TMEM266: variants seen among roughly 807,000 people sequenced by gnomAD.
TMEM266 encodes transmembrane protein 266, also known as Hv1 related protein 1.
In TMEM266, 33 loss-of-function variants were observed where a neutral mutation model predicts 50.5. The ratio of observed to expected loss-of-function variants is 0.65; its 90% CI spans 0.50 to 0.87. TMEM266 has a LOEUF of 0.87. Among genes scored for constraint, TMEM266 ranks in the 40% least tolerant of loss-of-function variants. The pLI is 0.00. For missense variants in TMEM266, 655 were observed against 695.1 expected (o/e 0.94, Z 0.65); for synonymous variants, 310 against 292.3 (o/e 1.06, Z -0.62).
chr15:76,111,983 T>C (rs772132259), intron 1 of TMEM266: 6 of 152,230 alleles, frequency 3.9e-5, no homozygotes, highest in Admixed American at 6.5e-5. Context: ...TGAAGTGATA[T>C]AGAGAAACCT....
At chr15:76,061,952 GTCTC>G (rs1156649738) in intron 1 of TMEM266, among the ~76,000 whole-genome samples, 2 of 152,192 alleles carry the variant, frequency 1.3e-5, no homozygotes, top group African/African-American at 4.8e-5. Flanking sequence ...TCGTAATCCA[GTCTC>G]TCTATGATTG....
Position 76,116,536 on chromosome 15 carries a change from C to T in TMEM266, c.-96-17632C>T, listed in dbSNP as rs193076297. On this transcript the variant is annotated intron_variant, in intron 1 of 10. Coordinates refer to ENST00000388942, the MANE Select transcript of TMEM266 (RefSeq NM_152335.3). The stretch of plus-strand genomic sequence containing the variant: ...CCTCTCCTCACTAATGAATCTCTAG[C>T]GTTCTCTCCTGCACCCATCCGGAGT... 7.6e-4 allele frequency among the ~76,000 whole-genome samples: 116 copies of T among 152,150 alleles called. 1 individual carries two copies. The highest frequency in any genetic ancestry group is 2.7e-3 in the African/African-American group (112 of 41,514).
At chr15:76,088,462 G>A (rs957401694) in intron 1 of TMEM266, among the ~76,000 whole-genome samples, 3 of 152,084 alleles carry the variant, frequency 2.0e-5, no homozygotes, top group African/African-American at 7.2e-5. Flanking sequence ...AGACCAACCT[G>A]GGCAACAGAG....
rs774403438 is a variant in TMEM266 at position 76,139,099 on chromosome 15, G to A, written c.227+1204G>A. 6.6e-6 allele frequency among the ~76,000 whole-genome samples: 1 copy of A among 152,240 alleles called. No homozygotes were observed. The highest frequency in any genetic ancestry group is 6.5e-5 in the Admixed American group (1 of 15,292). On this transcript the variant is annotated intron_variant, in intron 3 of 10. Coordinates refer to ENST00000388942, the MANE Select transcript of TMEM266 (RefSeq NM_152335.3). This position sits in a 1 kb window ranked among gnomAD's most constrained non-coding sequence, Gnocchi z 4.1. The stretch of plus-strand genomic sequence containing the variant: ...CCAGTAAACACTTTGGAACATGCTG[G>A]CTGCTTTGAATATAAAAATGAAGGG...
intron 3 of TMEM266, among the ~76,000 whole-genome samples, chr15:76,156,241 C>A (rs541062987): frequency 6.2e-4 from 94 of 152,238 alleles, no homozygotes; most frequent in Non-Finnish European, 1.1e-3. Flanking sequence ...ACACCTGTAG[C>A]CCCAGCTATT....
intron 1 of TMEM266, among the ~76,000 whole-genome samples, chr15:76,133,120 C>A (rs2037537336): frequency 6.7e-6 from 1 of 148,534 alleles, no homozygotes; most frequent in African/African-American, 2.5e-5. Flanking sequence ...CAGAGTGAGA[C>A]CCTGTCTAAA....
intron 7 of TMEM266, among the ~76,000 whole-genome samples, chr15:76,173,207 C>G (rs1192244348): frequency 6.6e-6 from 1 of 152,138 alleles, no homozygotes; most frequent in Non-Finnish European, 1.5e-5. Context: ...GTCCCAATGT[C>G]TCTTCTCTGC....
chr15:76,183,919 G>C (rs1194672609), intron 8 of TMEM266, among the ~76,000 whole-genome samples: 2 of 152,198 alleles, frequency 1.3e-5, no homozygotes, highest in Non-Finnish European at 2.9e-5. Flanking sequence ...CGTGGGAGGT[G>C]GTGGGTGGTC....
rs146640128 is a variant in TMEM266 at position 76,064,445 on chromosome 15, A to G, written c.-97+4429A>G. Among the ~76,000 whole-genome samples, 114 of 152,228 alleles carry G rather than the reference A, an allele frequency of 7.5e-4. No individual in the cohort carries two copies. In the East Asian group the frequency reaches 0.017, roughly 22 times the overall value. On this transcript the variant is annotated intron_variant, in intron 1 of 10. Transcript: ENST00000388942. The stretch of plus-strand genomic sequence containing the variant: ...GTAGTTCTTGGGCCGTAGCAAAATC[A>G]TAGGCACTTTGAGGACTGATTCATC...
chr15:76,113,046 T>A (rs1174923583), intron 1 of TMEM266: 1 of 152,346 alleles, frequency 6.6e-6, no homozygotes, highest in Non-Finnish European at 1.5e-5. Flanking sequence ...CCAGGCGCGG[T>A]GGCTCACGCC....
intron 4 of TMEM266, among the ~76,000 whole-genome samples, chr15:76,159,497 T>A (rs2037981496): frequency 1.3e-5 from 2 of 152,022 alleles, no homozygotes; most frequent in Non-Finnish European, 2.9e-5. Flanking sequence ...GCTCTGCCAA[T>A]CTAGGGAGGG....
At chr15:76,187,847 C>T (rs145596530) in intron 8 of TMEM266, among the ~76,000 whole-genome samples, 1 of 152,206 alleles carries the variant, frequency 6.6e-6, no homozygotes, top group African/African-American at 2.4e-5. Flanking sequence ...AACAGGCTAA[C>T]TGGTTTCCTG....
At position 76,204,106 on chromosome 15, in the gene TMEM266, C is replaced by T. The variant is rs375411507; in HGVS notation, c.1387C>T (p.Leu463Phe). The T allele has an allele frequency of 1.3e-5, 21 of 1,612,896 alleles. No individual in the cohort carries two copies. Among genetic ancestry groups the T allele is most frequent in the Non-Finnish European group, 1.5e-5 (18 of 1,179,650 alleles). ...CCAGAAGGCCTTGGACCCAGCCCCCCTCGCCCGGCCCAGCCCAGCGGGCTC... is the reference window on the plus strand; with the variant it reads ...CCAGAAGGCCTTGGACCCAGCCCCCTTCGCCCGGCCCAGCCCAGCGGGCTC... Residue 463 changes from leucine to phenylalanine, a missense_variant, in exon 11 of 11, where the codon CTC becomes TTC. By Grantham distance (22) the Leu-to-Phe change is conservative (BLOSUM62 0). Coordinates refer to ENST00000388942, the MANE Select transcript of TMEM266 (RefSeq NM_152335.3).
intron 1 of TMEM266, among the ~76,000 whole-genome samples, chr15:76,081,635 G>T (rs1454595307): frequency 2.6e-5 from 4 of 152,214 alleles, no homozygotes; most frequent in Non-Finnish European, 1.5e-5. Flanking sequence ...GTAGACAGTG[G>T]CAAGGTTCTT....
At chr15:76,203,487 T>C (rs2038783064) in intron 10 of TMEM266, among the ~76,000 whole-genome samples, 1 of 152,222 alleles carries the variant, frequency 6.6e-6, no homozygotes, top group Non-Finnish European at 1.5e-5. Flanking sequence ...AGGTCACTTC[T>C]CATGGGTAAC....
intron 1 of TMEM266, among the ~76,000 whole-genome samples, chr15:76,122,014 A>C (rs1050666797): frequency 1.3e-5 from 2 of 152,266 alleles, no homozygotes; most frequent in African/African-American, 4.8e-5. Flanking sequence ...ATTGAGAAAC[A>C]AACCAAAAAG....
At chr15:76,191,663 C>A in intron 8 of TMEM266, 1 of 322,380 alleles carries the variant, frequency 3.1e-6, no homozygotes, top group Non-Finnish European at 5.7e-6. Flanking sequence ...TCCTGACTCC[C>A]CGTCCAGTGG....
At chr15:76,143,021 C>A (rs1291760875) in intron 3 of TMEM266, among the ~76,000 whole-genome samples, 1 of 152,198 alleles carries the variant, frequency 6.6e-6, no homozygotes, top group Non-Finnish European at 1.5e-5. Context: ...TTGCCCTCAG[C>A]AGATGACCTC....
At chr15:76,088,638 A>G (rs2141996420) in intron 1 of TMEM266, among the ~76,000 whole-genome samples, 1 of 151,890 alleles carries the variant, frequency 6.6e-6, no homozygotes, top group East Asian at 1.9e-4. Context: ...CTACTAAAAA[A>G]TACAAAAAAT....
Sources: allele counts gnomAD v4.1 joint callset (sites outside exome capture counted in the v4.1 genomes callset), GRCh38; gene constraint gnomAD v4.1.1; non-coding constraint Gnocchi (gnomAD v3.1); transcripts MANE v1.5; gene names NCBI Gene and HGNC (gene_info 2026-07-23, HGNC 2026-07-21).